ATRX: variants seen among roughly 807,000 people sequenced by gnomAD.
ATRX encodes the protein chromatin remodeler ATRX.
In ATRX, 12 loss-of-function variants were observed where a neutral mutation model predicts 172.6. That is an observed-to-expected ratio of 0.07 (90% confidence interval 0.04 to 0.11). ATRX has a LOEUF of 0.11. Ranked by LOEUF, ATRX falls within the 10% of genes least tolerant of loss-of-function variation. ATRX has a pLI of 1.00. For missense variants in ATRX, 1,368 were observed against 1,767.4 expected, an observed-to-expected ratio of 0.77 and a Z score of 4.05; for synonymous variants, 674 against 594.7, an observed-to-expected ratio of 1.13 and a Z score of -1.94.
chrX:77,626,265 G>A (rs781963668), intron 19 of ATRX, among the ~76,000 whole-genome samples: 2 of 105,725 alleles, frequency 1.9e-5, no homozygotes, highest in Non-Finnish European at 3.9e-5. Flanking sequence ...ATGACACAAC[G>A]GACTTTGGGG....
rs2072047801 is a variant in ATRX, at chrX:77,694,054, A to G, written c.371-117T>C. The G allele has an allele frequency of 6.8e-6, 4 of 588,353 alleles. No homozygotes were observed. In the Admixed American group the frequency reaches 7.7e-5, roughly 11 times the overall value. The allele number at this position is 588,353 out of a possible 1,213,427, so 48.5% of individuals were successfully genotyped here. The stretch of plus-strand genomic sequence containing the variant: ...ACATAGTTTGTTTCTTTCAAGCTTT[A>G]GATATTGGTGTAAGGACCTCACAAA... On this transcript the variant is annotated intron_variant, in intron 5 of 34. Coordinates refer to ENST00000373344, the MANE Select transcript of ATRX (RefSeq NM_000489.6).
At chrX:77,631,986 G>GT (rs1260074817) in intron 19 of ATRX, among the ~76,000 whole-genome samples, 3 of 109,954 alleles carry the variant, frequency 2.7e-5, no homozygotes, top group African/African-American at 6.6e-5. Context: ...AAAATGAAAA[G>GT]TTTTTTTTTG....
intron 28 of ATRX, among the ~76,000 whole-genome samples, chrX:77,563,386 T>C (rs1234828680): frequency 1.8e-5 from 2 of 112,417 alleles, no homozygotes; most frequent in African/African-American, 6.5e-5. Flanking sequence ...GTCAAAACCA[T>C]TTTTAACTTG....
At chrX:77,586,940 A>G (rs1260317256) in intron 27 of ATRX, among the ~76,000 whole-genome samples, 1 of 110,022 alleles carries the variant, frequency 9.1e-6, no homozygotes, top group African/African-American at 3.3e-5. Flanking sequence ...CTGTAATCCC[A>G]GCTACTCAGG....
At position 77,676,287 on chromosome X, in the gene ATRX, A is replaced by C. The variant is rs1474988150; in HGVS notation, c.3748T>G (p.Leu1250Val). 8.3e-7 allele frequency: 1 copy of C among 1,203,182 alleles called. No homozygotes were observed. Among genetic ancestry groups the C allele is most frequent in the African/African-American group, 1.8e-5 (1 of 57,010 alleles). Reference protein sequence around the residue: ...GFCQSSGDEALSKSVPVTVDD... With the variant: ...GFCQSSGDEAVSKSVPVTVDD... ...ACTGTGACAGGCACTGATTTAGATAAGGCTTCATCTCCTTGAGGGAAAAAA... is the reference window on the plus strand; with the variant it reads ...ACTGTGACAGGCACTGATTTAGATACGGCTTCATCTCCTTGAGGGAAAAAA... Residue 1250 changes from leucine to valine, a missense_variant, in exon 10 of 35, where the codon TTA becomes GTA. Physicochemically the swap from Leu to Val is conservative, Grantham distance 32. Transcript: ENST00000373344.
chrX:77,513,894 A>G (rs782245542), intron 34 of ATRX, among the ~76,000 whole-genome samples: 13 of 111,355 alleles, frequency 1.2e-4, no homozygotes, highest in African/African-American at 4.2e-4. Context: ...AAGCTGATAA[A>G]CAAGTTCAGC....
At chrX:77,614,991 T>C (rs1199969909) in intron 22 of ATRX, among the ~76,000 whole-genome samples, 4 of 50,707 alleles carry the variant, frequency 7.9e-5, no homozygotes, top group Non-Finnish European at 1.7e-4. Context: ...TTGTGATTGG[T>C]GGTGGTGGTT....
At chrX:77,679,299 A>G (rs1275624169) in intron 9 of ATRX, among the ~76,000 whole-genome samples, 2 of 111,017 alleles carry the variant, frequency 1.8e-5, no homozygotes, top group Admixed American at 1.9e-4. Flanking sequence ...GAAAATCTCA[A>G]CAAGGCTTAT....
At chrX:77,692,015 A>G (rs2071918236) in intron 6 of ATRX, among the ~76,000 whole-genome samples, 1 of 111,991 alleles carries the variant, frequency 8.9e-6, no homozygotes, top group African/African-American at 3.2e-5. Flanking sequence ...TTATCAGCTG[A>G]GACCAAATGT....
At chrX:77,531,348 T>C (rs1691518495) in intron 30 of ATRX, among the ~76,000 whole-genome samples, 1 of 111,869 alleles carries the variant, frequency 8.9e-6, no homozygotes, top group African/African-American at 3.3e-5. Flanking sequence ...CCAATATCCT[T>C]GATGAACATT....
At chrX:77,521,582 T>G in intron 32 of ATRX, 84 bp from the exon 33 acceptor site, 1 of 727,474 alleles carries the variant, frequency 1.4e-6, no homozygotes, top group Non-Finnish European at 2.1e-6. Flanking sequence ...TTTGCCAACT[T>G]AGAGCAGTCG....
intron 9 of ATRX, among the ~76,000 whole-genome samples, chrX:77,678,166 G>A (rs2070997878): frequency 9.3e-6 from 1 of 108,000 alleles, no homozygotes; most frequent in Non-Finnish European, 1.9e-5. Context: ...GGATTGCAGT[G>A]AGCCGAGATT....
At chrX:77,713,635 T>C (rs1168442086) in intron 2 of ATRX, among the ~76,000 whole-genome samples, 1 of 111,182 alleles carries the variant, frequency 9.0e-6, no homozygotes, top group African/African-American at 3.3e-5. Flanking sequence ...ATGGAAAAAA[T>C]TGTAAGTATA....
intron 1 of ATRX, among the ~76,000 whole-genome samples, chrX:77,773,317 GTATCTGAGGAAGGAGGAA>G (rs1162267016): frequency 9.1e-6 from 1 of 110,167 alleles, no homozygotes; most frequent in Non-Finnish European, 1.9e-5. Context: ...AACTTTGGGG[GTATCTGAGGAAGGAGGAA>G]ATGGAAAAAG....
At chrX:77,715,021 T>C (rs1170580031) in intron 2 of ATRX, among the ~76,000 whole-genome samples, 2 of 112,128 alleles carry the variant, frequency 1.8e-5, no homozygotes, top group Non-Finnish European at 3.8e-5. Flanking sequence ...TTCAGAAAAC[T>C]TGTAATTTCC....
intron 19 of ATRX, among the ~76,000 whole-genome samples, chrX:77,622,526 A>C (rs1443576933): frequency 9.0e-6 from 1 of 111,523 alleles, no homozygotes; most frequent in Non-Finnish European, 1.9e-5. Flanking sequence ...ACAGGGATCC[A>C]TCAGGAGGAT....
chrX:77,601,613 T>G (rs782549735), intron 22 of ATRX, among the ~76,000 whole-genome samples: 1 of 111,839 alleles, frequency 8.9e-6, no homozygotes, highest in South Asian at 3.7e-4. Flanking sequence ...TGAATGCACG[T>G]TTCATTAATA....
chrX:77,660,652 G>A (rs782807778), intron 12 of ATRX, among the ~76,000 whole-genome samples: 125 of 110,306 alleles, frequency 1.1e-3, no homozygotes, highest in Non-Finnish European at 1.9e-3. Flanking sequence ...ACAAAATGAT[G>A]TACTATTATT....
At chrX:77,717,913 C>A (rs782712159) in intron 1 of ATRX, among the ~76,000 whole-genome samples, 2 of 111,182 alleles carry the variant, frequency 1.8e-5, no homozygotes, top group East Asian at 5.6e-4. Flanking sequence ...GATTAAACAG[C>A]AAAAAGGTAT....
Sources: allele counts gnomAD v4.1 joint callset (sites outside exome capture counted in the v4.1 genomes callset), GRCh38; gene constraint gnomAD v4.1.1; transcripts MANE v1.5; gene names NCBI Gene and HGNC (gene_info 2026-07-23, HGNC 2026-07-21).